The following SLC37A1 variants were observed in gnomAD, a reference collection of about 807,000 sequenced individuals.
SLC37A1 encodes the protein solute carrier family 37 member 1.
In SLC37A1, 49 loss-of-function variants were observed where a neutral mutation model predicts 75.3. The ratio of observed to expected loss-of-function variants is 0.65; its 90% CI spans 0.52 to 0.83. The LOEUF is 0.83. SLC37A1 is among the 40% of genes least tolerant of loss of function. SLC37A1 has a pLI of 0.00. For synonymous variants in SLC37A1, 268 were observed against 292.1 expected, an observed-to-expected ratio of 0.92 and a Z score of 0.84; for missense variants, 566 against 695.0, an observed-to-expected ratio of 0.81 and a Z score of 2.09.
chr21:42,504,011 G>A (rs1369210694), intron 2 of SLC37A1, among the ~76,000 whole-genome samples: 4 of 152,128 alleles, frequency 2.6e-5, no homozygotes, highest in Non-Finnish European at 5.9e-5. Context: ...CTCAGTTCAG[G>A]GGCCCTAAAA....
At chr21:42,551,887 T>C (rs2055568221) in intron 9 of SLC37A1, among the ~76,000 whole-genome samples, 1 of 152,052 alleles carries the variant, frequency 6.6e-6, no homozygotes, top group Admixed American at 6.5e-5. Context: ...AAATAAAAAA[T>C]GGTCATTTTT....
intron 3 of SLC37A1, among the ~76,000 whole-genome samples, chr21:42,532,946 G>A (rs1212692603): frequency 1.3e-5 from 2 of 152,230 alleles, no homozygotes; most frequent in Admixed American, 6.5e-5. Context: ...GCAGAGTCAC[G>A]TGACCGTGGA....
At chr21:42,557,136 C>T (rs577223769) in intron 10 of SLC37A1, among the ~76,000 whole-genome samples, 1 of 152,356 alleles carries the variant, frequency 6.6e-6, no homozygotes, top group Admixed American at 6.5e-5. Flanking sequence ...AGAGGGTGCG[C>T]TTCTCCTGGC....
At chr21:42,567,658 A>G (rs1229128123) in intron 16 of SLC37A1, among the ~76,000 whole-genome samples, 2 of 152,172 alleles carry the variant, frequency 1.3e-5, no homozygotes, top group African/African-American at 2.4e-5. Context: ...TCTTTATTTT[A>G]TATACATATT....
chr21:42,553,744 G>C (rs1418188455), intron 9 of SLC37A1, among the ~76,000 whole-genome samples: 1 of 151,868 alleles, frequency 6.6e-6, no homozygotes, highest in Non-Finnish European at 1.5e-5. Context: ...GGGAAAGATT[G>C]GTCTGTGCCT....
At chr21:42,517,701 A>T (rs576736471) in intron 1 of SLC37A1, among the ~76,000 whole-genome samples, 1 of 152,304 alleles carries the variant, frequency 6.6e-6, no homozygotes, top group East Asian at 1.9e-4. Context: ...CTTCATAATC[A>T]GGTCATTTTC....
At chr21:42,537,771 A>G (rs1360085845) in intron 5 of SLC37A1, among the ~76,000 whole-genome samples, 2 of 151,660 alleles carry the variant, frequency 1.3e-5, no homozygotes, top group African/African-American at 2.4e-5. Context: ...AGGTTATTAA[A>G]ACAAAATTTG....
intron 1 of SLC37A1, among the ~76,000 whole-genome samples, chr21:42,502,027 A>G (rs1487916014): frequency 6.6e-6 from 1 of 152,234 alleles, no homozygotes; most frequent in South Asian, 2.1e-4. Context: ...CAGGAAGGTC[A>G]TGATCAAATA....
chr21:42,572,624 C>T (rs1171519315), intron 17 of SLC37A1, among the ~76,000 whole-genome samples: 2 of 137,672 alleles, frequency 1.5e-5, no homozygotes, highest in Non-Finnish European at 3.0e-5. Flanking sequence ...TGTTTTATTT[C>T]ATGTTAGACT....
At chr21:42,509,432 G>A (rs1169929355), upstream of SLC37A1, 3 of 152,180 alleles carry the variant, frequency 2.0e-5, no homozygotes, top group Non-Finnish European at 4.4e-5. This position sits in a 1 kb window ranked among gnomAD's most constrained non-coding sequence, Gnocchi z 4.2. Context: ...GCTTTCATAC[G>A]TGAATCGACT....
rs759640550 is a variant in SLC37A1 at position 42,580,344 on chromosome 21, G to C, written c.1587-1G>C. ...AGCTCTTCTTTCAACCTTTCTTTCA[G>C]ATTTAAGGAACAGTGACACCCCACC... On this transcript the variant is annotated splice_acceptor_variant, in intron 19 of 19. Coordinates refer to ENST00000352133, the MANE Select transcript of SLC37A1 (RefSeq NM_001320537.2). LOFTEE classifies it high-confidence loss of function. 1.2e-6 allele frequency: 2 copies of C among 1,613,048 alleles called. No homozygotes were observed. The highest frequency in any genetic ancestry group is 1.7e-6 in the Non-Finnish European group (2 of 1,179,694).
In SLC37A1 at chr21:42,566,196, G is replaced by A. The variant is rs1001590165; in HGVS notation, c.1270+321G>A. On this transcript the variant is annotated intron_variant, in intron 15 of 19. Transcript: ENST00000352133. ...GCAGCCCCTCCTGGGGCCTTGGTGG[G>A]GCTGGCGGGGCTGCAGCAGCCTGCG... 2.0e-4 allele frequency among the ~76,000 whole-genome samples: 31 copies of A among 152,212 alleles called. 1 individual carries two copies. Among genetic ancestry groups the A allele is most frequent in the Admixed American group, 1.7e-3 (26 of 15,294 alleles).
At chr21:42,507,240 A>G (rs1275172443) in intron 2 of SLC37A1, among the ~76,000 whole-genome samples, 2 of 151,986 alleles carry the variant, frequency 1.3e-5, no homozygotes, top group Non-Finnish European at 2.9e-5. Flanking sequence ...GATTTAAGAT[A>G]CAAGAGTTAA....
intron 12 of SLC37A1, 90 bp from the exon 13 acceptor site, chr21:42,563,725 C>G (rs1051688275): frequency 1.7e-6 from 2 of 1,189,524 alleles, no homozygotes; most frequent in Non-Finnish European, 2.5e-6. Context: ...AAGCCAGAGT[C>G]CCGTGCACGG....
At position 42,534,977 on chromosome 21, in the gene SLC37A1, G is replaced by A. The variant is rs560664572; in HGVS notation, c.271+147G>A. 10 of 1,145,290 alleles carry A rather than the reference G, an allele frequency of 8.7e-6. No homozygotes were observed. The South Asian group carries it at 1.1e-4, about 13-fold the overall frequency. The allele number at this position is 1,145,290 out of a possible 1,614,324, so 70.9% of individuals were successfully genotyped here. On this transcript the variant is annotated intron_variant, in intron 4 of 19. Transcript: ENST00000352133. ...CTACCAAAAAGCACATGACTTCACC[G>A]CCACGGTGTCCACAGTGCCTGTGCG...
chr21:42,515,790 G>A (rs768930656), intron 1 of SLC37A1, among the ~76,000 whole-genome samples: 4 of 151,970 alleles, frequency 2.6e-5, no homozygotes, highest in African/African-American at 4.8e-5. Flanking sequence ...ACAGGGTCTC[G>A]CTCTGTCGCC....
intron 6 of SLC37A1, among the ~76,000 whole-genome samples, chr21:42,541,588 C>T (rs898742184): frequency 3.9e-5 from 6 of 152,168 alleles, no homozygotes; most frequent in South Asian, 2.1e-4. Context: ...TGTCCAGGCG[C>T]GAAGTCAAGT....
chr21:42,535,741 C>A (rs924966290), intron 5 of SLC37A1, among the ~76,000 whole-genome samples, 191 bp downstream of exon 5: 1 of 152,208 alleles, frequency 6.6e-6, no homozygotes, highest in Non-Finnish European at 1.5e-5. Flanking sequence ...GTGCCCACAA[C>A]ACAGGACCTC....
chr21:42,515,895 A>C (rs2054513410), intron 1 of SLC37A1, among the ~76,000 whole-genome samples: 1 of 152,164 alleles, frequency 6.6e-6, no homozygotes, highest in African/African-American at 2.4e-5. Context: ...AGTAGCTGGA[A>C]TTACAGGTGT....
Sources: gnomAD v4.1 joint callset for allele counts (sites outside exome capture counted in the v4.1 genomes callset) on GRCh38, gnomAD v4.1.1 for gene constraint, Gnocchi (gnomAD v3.1) non-coding constraint, MANE v1.5 for transcripts, NCBI Gene and HGNC (gene_info 2026-07-23, HGNC 2026-07-21) for gene names.